Variants in CEMIP observed in about 807,000 individuals in gnomAD.
CEMIP encodes cell migration-inducing and hyaluronan-binding protein.
In CEMIP, 105 loss-of-function variants were observed where a neutral mutation model predicts 156.9. That is an observed-to-expected ratio of 0.67 (90% CI 0.57 to 0.79). CEMIP has a LOEUF of 0.79. CEMIP is among the 30% of genes least tolerant of loss of function. The probability of loss-of-function intolerance (pLI) is 0.00; values close to 1 mark genes in which losing one functional copy is unlikely to be tolerated. For synonymous variants in CEMIP, 676 were observed against 668.4 expected, an observed-to-expected ratio of 1.01 and a Z score of -0.17; for missense variants, 1,457 against 1,769.4, an observed-to-expected ratio of 0.82 and a Z score of 3.17.
chr15:80,865,351 T>C (rs1198266100), intron 1 of CEMIP, among the ~76,000 whole-genome samples: 1 of 151,696 alleles, frequency 6.6e-6, no homozygotes, highest in Non-Finnish European at 1.5e-5. Context: ...CCGGCTAATG[T>C]TTGTATTTTT....
chr15:80,785,430 G>A (rs569657178), intron 1 of CEMIP, among the ~76,000 whole-genome samples: 34 of 152,242 alleles, frequency 2.2e-4, no homozygotes, highest in Admixed American at 1.7e-3. Flanking sequence ...ATTGTGTTCC[G>A]TCACCCACCG....
chr15:80,933,142 G>T (rs1900988766), intron 22 of CEMIP, 103 bp from the exon 23 acceptor site: 3 of 1,012,158 alleles, frequency 3.0e-6, no homozygotes, highest in African/African-American at 1.6e-5. Flanking sequence ...GTTTTGGCTG[G>T]CTTGTAACGT....
intron 1 of CEMIP, among the ~76,000 whole-genome samples, chr15:80,849,740 G>A (rs1231276413): frequency 6.6e-6 from 1 of 152,184 alleles, no homozygotes. Context: ...TGTTATCAGG[G>A]AGGTTCTCAA....
At chr15:80,877,077 T>A (rs534971877) in intron 3 of CEMIP, among the ~76,000 whole-genome samples, 4 of 152,130 alleles carry the variant, frequency 2.6e-5, no homozygotes, top group Non-Finnish European at 5.9e-5. Context: ...ATTCCCCTGA[T>A]AAAACCATCA....
rs1362381471 is a variant in CEMIP, at chr15:80,884,959, G to A, written c.797+605G>A. On this transcript the variant is annotated intron_variant, in intron 7 of 29. Transcript: ENST00000394685. ...CAGGATACATATGCAGGACGTGCTT[G>A]TTTGTTACCTAGGTAAACGTGTGCC... Among the ~76,000 whole-genome samples the A allele has an allele frequency of 3.3e-5, 5 of 152,116 alleles. No homozygotes were observed. In the East Asian group the frequency reaches 9.6e-4, roughly 29 times the overall value.
intron 1 of CEMIP, among the ~76,000 whole-genome samples, chr15:80,800,019 T>TTGTGTGTGTGTGTG (rs1428935403): frequency 3.6e-5 from 2 of 55,148 alleles, no homozygotes; most frequent in Non-Finnish European, 7.1e-5. Context: ...CCAGCTAATT[T>TTGTGTGTGTGTGTG]TATGTGTGTG....
chr15:80,802,926 A>C (rs11072943), intron 1 of CEMIP, among the ~76,000 whole-genome samples: 60,896 of 152,100 alleles, frequency 0.4, 12,331 homozygotes, highest in South Asian at 0.54. Flanking sequence ...ACACTGTCTT[A>C]GTCAGTTTGG....
At position 80,936,796 on chromosome 15, in the gene CEMIP, A is replaced by G. The variant is rs368435697; in HGVS notation, c.3132A>G (p.Gln1044=). ...LTRSTHYQQY[Q]PVVTLQKGYT... ...GGAGCACCCATTACCAGCAATACCA[A>G]CCGGTTGTCACCCTGCAGAAGGGCT... The change falls in exon 24 of 30, where the codon CAA becomes CAG. Residue 1044 remains glutamine, a synonymous_variant. Coordinates refer to ENST00000394685, the MANE Select transcript of CEMIP (RefSeq NM_001293298.2). The G allele has an allele frequency of 1.5e-5, 24 of 1,614,036 alleles. No homozygotes were observed. The highest frequency in any genetic ancestry group is 3.3e-4 in the Middle Eastern group (2 of 6,062).
intron 1 of CEMIP, among the ~76,000 whole-genome samples, chr15:80,800,996 C>T (rs1896361591): frequency 6.6e-6 from 1 of 152,180 alleles, no homozygotes; most frequent in Non-Finnish European, 1.5e-5. Context: ...CTAGCAACAT[C>T]CTAGGATTGT....
intron 1 of CEMIP, among the ~76,000 whole-genome samples, chr15:80,847,415 C>T (rs1897589943): frequency 6.6e-6 from 1 of 152,178 alleles, no homozygotes; most frequent in Admixed American, 6.5e-5. Flanking sequence ...CAATACATTA[C>T]ATCAATAAAC....
intron 12 of CEMIP, among the ~76,000 whole-genome samples, chr15:80,898,891 C>G (rs562052468): frequency 7.2e-5 from 11 of 152,294 alleles, no homozygotes; most frequent in Non-Finnish European, 1.5e-4. Flanking sequence ...TGGGCAGGAG[C>G]ATTTCATCAT....
Position 80,839,289 on chromosome 15 carries a change from A to ATGT in CEMIP, c.-175-34249_-175-34248insTGT, listed in dbSNP as rs71455356. ...TGAAGGCTGTGGAGTCAAGGCCGTG[A>ATGT]GTGTGTGTGTGTGTGTGTGTGTGTG... On this transcript the variant is annotated intron_variant, in intron 1 of 29. Transcript: ENST00000394685. 4.3e-4 allele frequency among the ~76,000 whole-genome samples: 57 copies of ATGT among 131,188 alleles called. 1 individual carries two copies. Among genetic ancestry groups the ATGT allele is most frequent in the African/African-American group, 1.7e-3 (55 of 32,666 alleles). The allele number at this position is 131,188 out of a possible 152,430, so 86.1% of individuals were successfully genotyped here.
chr15:80,881,104 C>T lies in CEMIP; in HGVS notation c.585C>T (p.Asp195=), dbSNP rs1305591297. The T allele has an allele frequency of 1.2e-6, 2 of 1,614,060 alleles. No individual in the cohort carries two copies. Among genetic ancestry groups the T allele is most frequent in the Non-Finnish European group, 1.7e-6 (2 of 1,180,038 alleles). Residue 195 remains aspartate (D), a synonymous_variant, in exon 6 of 30, where the codon GAC becomes GAT. Coordinates refer to ENST00000394685, the MANE Select transcript of CEMIP (RefSeq NM_001293298.2). ...GHRGVIVHVI[D]PKSGTVIHSD... is the part of the protein sequence containing the mutation. ...GTGGAGTTATTGTTCATGTCATCGA[C>T]CCCAAATCAGGCACAGTCATCCATT...
intron 13 of CEMIP, 113 bp from the exon 14 acceptor site, chr15:80,908,984 T>C: frequency 1.0e-6 from 1 of 982,022 alleles, no homozygotes; most frequent in Non-Finnish European, 1.6e-6. Context: ...TACTGAGTAC[T>C]AAGTGGAGAC....
chr15:80,897,417 G>A (rs1596168901), intron 12 of CEMIP: 8 of 448,764 alleles, frequency 1.8e-5, no homozygotes, highest in East Asian at 7.0e-5. Flanking sequence ...TGGGGGAGGC[G>A]GACCTAGAGG....
chr15:80,918,757 G>A (rs1436295755), intron 14 of CEMIP, among the ~76,000 whole-genome samples: 2 of 152,188 alleles, frequency 1.3e-5, no homozygotes, highest in African/African-American at 4.8e-5. Context: ...GCAAGGAAGT[G>A]AGCATCTCTC....
At chr15:80,939,685 T>C (rs1901267480) in intron 25 of CEMIP, among the ~76,000 whole-genome samples, 1 of 152,174 alleles carries the variant, frequency 6.6e-6, no homozygotes, top group African/African-American at 2.4e-5. Flanking sequence ...TGCCTGTTGA[T>C]CATTGTGTTG....
At chr15:80,903,900 G>A (rs145052846) in intron 12 of CEMIP, among the ~76,000 whole-genome samples, 260 of 152,324 alleles carry the variant, frequency 1.7e-3, no homozygotes, top group African/African-American at 5.9e-3. Flanking sequence ...GTTTTTCTGT[G>A]GGTGGCCGGA....
chr15:80,814,828 C>T (rs1234371802), intron 1 of CEMIP, among the ~76,000 whole-genome samples: 1 of 152,208 alleles, frequency 6.6e-6, no homozygotes, highest in Non-Finnish European at 1.5e-5. Flanking sequence ...CCCATGCAGA[C>T]TTAAATTCTA....
Sources: gnomAD v4.1 joint callset for allele counts (sites outside exome capture counted in the v4.1 genomes callset) on GRCh38, gnomAD v4.1.1 for gene constraint, MANE v1.5 for transcripts, NCBI Gene and HGNC (gene_info 2026-07-23, HGNC 2026-07-21) for gene names.